Variants in GNAL observed in about 807,000 individuals in gnomAD.
GNAL encodes G protein subunit alpha L, also known as guanine nucleotide-binding protein G(olf) subunit alpha.
Under a neutral mutation model 55.1 loss-of-function variants are expected in GNAL, and 18 were observed. That is an observed-to-expected ratio of 0.33 (90% CI 0.23 to 0.48). The LOEUF (loss-of-function observed/expected upper bound fraction) is 0.48. GNAL is among the 20% of genes least tolerant of loss of function. The pLI, the probability that GNAL is intolerant of heterozygous loss-of-function variation, is 0.99. For synonymous variants in GNAL, 253 were observed against 237.0 expected, an observed-to-expected ratio of 1.07 and a Z score of -0.62; for missense variants, 412 against 614.1, an observed-to-expected ratio of 0.67 and a Z score of 3.48.
chr18:11,873,700 G>A (rs929841893), intron 10 of GNAL, among the ~76,000 whole-genome samples: 2 of 152,212 alleles, frequency 1.3e-5, no homozygotes, highest in African/African-American at 2.4e-5. Context: ...GCCGGGTGCC[G>A]CTTGCCCATG....
At chr18:11,849,121 T>G (rs991563407) in intron 5 of GNAL, among the ~76,000 whole-genome samples, 3 of 152,270 alleles carry the variant, frequency 2.0e-5, no homozygotes, top group African/African-American at 7.2e-5. Context: ...AGTACTTTAT[T>G]AATGTTAGTT....
intron 4 of GNAL, among the ~76,000 whole-genome samples, chr18:11,791,435 C>T (rs1438872123): frequency 6.6e-6 from 1 of 152,140 alleles, no homozygotes; most frequent in Non-Finnish European, 1.5e-5. Flanking sequence ...TGCTTTTTGC[C>T]TTCTAAACAG....
At chr18:11,847,148 A>G (rs1433482780) in intron 5 of GNAL, among the ~76,000 whole-genome samples, 3 of 152,026 alleles carry the variant, frequency 2.0e-5, no homozygotes, top group Non-Finnish European at 4.4e-5. Flanking sequence ...ACAGAAATTT[A>G]TTGGGTATCT....
At chr18:11,794,325 A>T (rs73403524) in intron 4 of GNAL, among the ~76,000 whole-genome samples, 1 of 152,320 alleles carries the variant, frequency 6.6e-6, no homozygotes, top group African/African-American at 2.4e-5. Context: ...GGTGGAAACA[A>T]CCCAATGTTC....
At chr18:11,850,770 C>T (rs901721732) in intron 5 of GNAL, among the ~76,000 whole-genome samples, 6 of 152,156 alleles carry the variant, frequency 3.9e-5, no homozygotes, top group African/African-American at 1.4e-4. Flanking sequence ...TGGCAACTCA[C>T]CTAGAAGCTG....
chr18:11,881,945 C>T lies in GNAL; in HGVS notation c.*810C>T, dbSNP rs2036703974. On this transcript the variant is annotated 3_prime_UTR_variant, in exon 12 of 12. Coordinates refer to ENST00000334049, the MANE Select transcript of GNAL (RefSeq NM_182978.4). The surrounding 1 kb of genome is among the most constrained non-coding windows in gnomAD (Gnocchi z 4.8). ...TTCACCATGGCTATCTATACCTGTA[C>T]ATGAAATGTGTTTGTATTGTGCTGA... 1 of 152,600 alleles carries T rather than the reference C, an allele frequency of 6.6e-6. No homozygotes were observed. Among genetic ancestry groups the T allele is most frequent in the Non-Finnish European group, 1.5e-5 (1 of 68,044 alleles). The allele number at this position is 152,600 out of a possible 1,614,324, so 9.5% of individuals were successfully genotyped here. A position where few individuals can be genotyped will look rare whatever the true frequency, so the allele number is the denominator to read the frequency against.
chr18:11,804,766 G>A (rs1407146775), intron 4 of GNAL, among the ~76,000 whole-genome samples: 2 of 127,992 alleles, frequency 1.6e-5, no homozygotes, highest in East Asian at 2.4e-4. Context: ...TGAAGTACAG[G>A]TGCAGTTTGA....
At chr18:11,784,084 A>G (rs950142566) in intron 4 of GNAL, among the ~76,000 whole-genome samples, 5 of 152,194 alleles carry the variant, frequency 3.3e-5, no homozygotes, top group African/African-American at 4.8e-5. Flanking sequence ...CAGCAAGCCC[A>G]TGCAGGGCAG....
intron 4 of GNAL, among the ~76,000 whole-genome samples, chr18:11,810,028 A>T (rs1312398701): frequency 6.6e-6 from 1 of 152,226 alleles, no homozygotes; most frequent in African/African-American, 2.4e-5. Context: ...GCAGGTGTTG[A>T]GCTTCCTGTA....
rs1368340197 is a variant in GNAL at position 11,884,652 on chromosome 18, G to A, written c.*3517G>A. The A allele has an allele frequency of 1.2e-6, 2 of 1,608,170 alleles. No homozygotes were observed. Among genetic ancestry groups the A allele is most frequent in the African/African-American group, 2.7e-5 (2 of 74,826 alleles). On this transcript the variant is annotated 3_prime_UTR_variant, in exon 12 of 12. Coordinates refer to ENST00000334049, the MANE Select transcript of GNAL (RefSeq NM_182978.4). ...CCTGGAAAGGAGAAGGGAAAGTTAT[G>A]CTGAGAGCACCAGGCACACGTTGAA... is the stretch of plus-strand genomic sequence containing the variant.
intron 1 of GNAL, among the ~76,000 whole-genome samples, chr18:11,738,828 G>T (rs1431856295): frequency 1.3e-5 from 2 of 152,148 alleles, no homozygotes; most frequent in African/African-American, 4.8e-5. Flanking sequence ...AAATTGTGTA[G>T]TATGAGTCCG....
chr18:11,876,632 G>C lies in GNAL; in HGVS notation c.1174G>C (p.Ala392Pro). The C allele has an allele frequency of 6.3e-7, 1 of 1,598,328 alleles. No individual in the cohort carries two copies. The highest frequency in any genetic ancestry group is 8.6e-7 in the Non-Finnish European group (1 of 1,165,544). Residue 392 changes from alanine (A) to proline (P), a missense_variant, in exon 11 of 12, where the codon GCA becomes CCA. This residue lies in a region of GNAL where 79 missense variants were observed against 127.1 expected (regional missense o/e 0.62). Transcript: ENST00000334049. ...TGTCATTTCTACAGCAACACCAGATGCAGGAGAAGATCCCAAAGTTACAAG... is the reference window on the plus strand; with the variant it reads ...TGTCATTTCTACAGCAACACCAGATCCAGGAGAAGATCCCAAAGTTACAAG... ...YTVPEDATPD[A>P]GEDPKVTRAK...
chr18:11,717,310 G>A (rs2031995223), intron 1 of GNAL, among the ~76,000 whole-genome samples: 1 of 152,244 alleles, frequency 6.6e-6, no homozygotes, highest in Non-Finnish European at 1.5e-5. Flanking sequence ...CGCAAGCTGA[G>A]GGAGCCGGCT....
intron 5 of GNAL, chr18:11,852,257 A>C: frequency 1.1e-6 from 1 of 933,558 alleles, no homozygotes; most frequent in Non-Finnish European, 1.6e-6. Flanking sequence ...CCCCCTCCAC[A>C]TAAATTAAGA....
At chr18:11,713,149 A>T (rs941389070) in intron 1 of GNAL, among the ~76,000 whole-genome samples, 1 of 152,254 alleles carries the variant, frequency 6.6e-6, no homozygotes, top group Non-Finnish European at 1.5e-5. Context: ...GAGCACAGGG[A>T]GAAAACAAAT....
At chr18:11,776,707 CAAAAAAA>C (rs33937288) in intron 4 of GNAL, among the ~76,000 whole-genome samples, 7 of 71,652 alleles carry the variant, frequency 9.8e-5, no homozygotes, top group Non-Finnish European at 1.7e-4. Flanking sequence ...GATCCTGCCT[CAAAAAAA>C]AAAAAAAAAA....
chr18:11,713,621 T>C (rs2031887331), intron 1 of GNAL, among the ~76,000 whole-genome samples: 2 of 152,178 alleles, frequency 1.3e-5, no homozygotes. Flanking sequence ...AGCCTGGCCA[T>C]TGCCTGTTTA....
At chr18:11,711,670 A>G (rs975895120) in intron 1 of GNAL, among the ~76,000 whole-genome samples, 1 of 152,110 alleles carries the variant, frequency 6.6e-6, no homozygotes, top group African/African-American at 2.4e-5. Flanking sequence ...GCTTCATAAG[A>G]TGATTATTTT....
intron 5 of GNAL, among the ~76,000 whole-genome samples, chr18:11,841,605 A>G (rs2143734717): frequency 6.6e-6 from 1 of 150,502 alleles, no homozygotes. Context: ...ATATCCTGCC[A>G]CTGCACTTCA....
Sources: gnomAD v4.1 joint callset for allele counts (sites outside exome capture counted in the v4.1 genomes callset) on GRCh38, gnomAD v4.1.1 for gene constraint, gnomAD v4.1.1 regional missense constraint, Gnocchi (gnomAD v3.1) non-coding constraint, MANE v1.5 for transcripts, NCBI Gene and HGNC (gene_info 2026-07-23, HGNC 2026-07-21) for gene names.